Variants in ATP2B2 observed in about 807,000 individuals in gnomAD.
ATP2B2 encodes the protein ATPase plasma membrane Ca2+ transporting 2.
In ATP2B2, 15 loss-of-function variants were observed where a neutral mutation model predicts 120.0. The ratio of observed to expected loss-of-function variants is 0.12; its 90% CI spans 0.08 to 0.19. ATP2B2 has a LOEUF of 0.19. Ranked by LOEUF, ATP2B2 falls within the 10% of genes least tolerant of loss-of-function variation. The pLI, the probability that ATP2B2 is intolerant of heterozygous loss-of-function variation, is 1.00. For missense variants in ATP2B2, 1,045 were observed against 1,719.8 expected, an observed-to-expected ratio of 0.61 and a Z score of 6.94; for synonymous variants, 694 against 700.3, an observed-to-expected ratio of 0.99 and a Z score of 0.14.
chr3:10,528,807 G>A (rs768772030), intron 3 of ATP2B2, among the ~76,000 whole-genome samples: 16 of 152,192 alleles, frequency 1.1e-4, no homozygotes, highest in African/African-American at 1.2e-4. Flanking sequence ...TTAAAAATAC[G>A]GTTTAAGCAG....
intron 3 of ATP2B2, among the ~76,000 whole-genome samples, chr3:10,512,461 T>TGCGC (rs146088719): frequency 0.044 from 4,524 of 102,712 alleles, 262 homozygotes; most frequent in African/African-American, 0.12. Context: ...CTAAAGTGTG[T>TGCGC]GCGCACACAC....
intron 3 of ATP2B2, among the ~76,000 whole-genome samples, chr3:10,512,155 C>G (rs1468971665): frequency 1.3e-5 from 2 of 152,072 alleles, no homozygotes; most frequent in African/African-American, 2.4e-5. Context: ...GATTGAGGAT[C>G]CAGATATGCA....
chr3:10,597,009 A>G (rs976368658), intron 2 of ATP2B2, among the ~76,000 whole-genome samples: 2 of 150,602 alleles, frequency 1.3e-5, no homozygotes, highest in African/African-American at 5.0e-5. Flanking sequence ...GCACACAGGC[A>G]CACACGCACA....
chr3:10,349,044 C>T (rs2125405652), intron 16 of ATP2B2, among the ~76,000 whole-genome samples: 1 of 152,348 alleles, frequency 6.6e-6, no homozygotes, highest in East Asian at 1.9e-4. Context: ...GGCTGATCTC[C>T]AGTGGAGCCC....
intron 2 of ATP2B2, among the ~76,000 whole-genome samples, chr3:10,563,390 C>G (rs955833021): frequency 1.3e-5 from 2 of 152,230 alleles, no homozygotes; most frequent in Admixed American, 6.5e-5. Context: ...AATCAATAAT[C>G]CAATTAGGCC....
At chr3:10,359,220 G>T (rs2060826263) in intron 13 of ATP2B2, among the ~76,000 whole-genome samples, 1 of 152,190 alleles carries the variant, frequency 6.6e-6, no homozygotes, top group African/African-American at 2.4e-5. Context: ...AGTAGTTCTT[G>T]ACCCTGCCTG....
At chr3:10,619,995 G>A (rs935627278) in intron 1 of ATP2B2, 7 of 152,356 alleles carry the variant, frequency 4.6e-5, no homozygotes, top group African/African-American at 1.7e-4. Flanking sequence ...AGCACGTTAA[G>A]GGGGCTTGTA....
intron 1 of ATP2B2, among the ~76,000 whole-genome samples, chr3:10,643,266 G>A (rs138749716): frequency 1.4e-3 from 207 of 152,306 alleles, no homozygotes; most frequent in Non-Finnish European, 2.5e-3. Context: ...TGCATCTGTG[G>A]ATCCATGGGA....
intron 17 of ATP2B2, among the ~76,000 whole-genome samples, chr3:10,345,821 C>A (rs2125393784): frequency 6.6e-6 from 1 of 152,292 alleles, no homozygotes; most frequent in Non-Finnish European, 1.5e-5. Context: ...TGCAAGTGCC[C>A]CCCTTCACAC....
intron 13 of ATP2B2, 27 bp from the exon 14 acceptor site, chr3:10,358,952 G>C: frequency 6.2e-7 from 1 of 1,608,472 alleles, no homozygotes; most frequent in Non-Finnish European, 8.5e-7. Flanking sequence ...GGGAGATGGG[G>C]AGCCCAGGGA....
intron 2 of ATP2B2, among the ~76,000 whole-genome samples, chr3:10,580,661 C>T (rs932313153): frequency 2.6e-5 from 4 of 152,304 alleles, no homozygotes; most frequent in Admixed American, 6.5e-5. Context: ...CCTGCTCCCA[C>T]GCCTTGTTCT....
intron 1 of ATP2B2, among the ~76,000 whole-genome samples, chr3:10,673,366 T>C (rs555635507): frequency 6.6e-6 from 1 of 150,960 alleles, no homozygotes; most frequent in South Asian, 2.1e-4. Context: ...GGTCCTCACA[T>C]CTAATTTCAA....
intron 1 of ATP2B2, among the ~76,000 whole-genome samples, chr3:10,695,477 C>G (rs1219015407): frequency 6.6e-6 from 1 of 152,180 alleles, no homozygotes; most frequent in Non-Finnish European, 1.5e-5. Context: ...ACTGCCAATT[C>G]TGAGCCTAGG....
At chr3:10,497,088 C>A (rs966802340) in intron 1 of ATP2B2, among the ~76,000 whole-genome samples, 1 of 152,240 alleles carries the variant, frequency 6.6e-6, no homozygotes, top group African/African-American at 2.4e-5. Flanking sequence ...GTGGGCATCC[C>A]AGTTAGGCCC....
chr3:10,585,492 T>TGAAAAAAAAA (rs2068487072), intron 2 of ATP2B2, among the ~76,000 whole-genome samples: 1 of 30,188 alleles, frequency 3.3e-5, no homozygotes, highest in African/African-American at 2.3e-4. Context: ...AGACTCCGTC[T>TGAAAAAAAAA]GAAAAAAAAA....
intron 2 of ATP2B2, among the ~76,000 whole-genome samples, chr3:10,596,330 A>C (rs1175237879): frequency 6.6e-6 from 1 of 152,030 alleles, no homozygotes; most frequent in Non-Finnish European, 1.5e-5. Flanking sequence ...GAGGGCAGGG[A>C]CTCTGTGGGT....
chr3:10,594,269 T>A lies in ATP2B2; in HGVS notation c.-415+25648A>T, dbSNP rs146193502. ...GCTGCTCTAAAGACACATGCACACT[T>A]ACATTTATTGTGGCACTATTCACAA... is the stretch of plus-strand genomic sequence containing the variant. On this transcript the variant is annotated intron_variant, in intron 2 of 21. Coordinates refer to the ATP2B2 transcript ENST00000646379. Among the ~76,000 whole-genome samples the A allele has an allele frequency of 6.4e-3, 969 of 152,250 alleles. 10 individuals are homozygous for A. The highest frequency in any genetic ancestry group is 0.021 in the African/African-American group (886 of 41,530).
chr3:10,325,929 A>G lies in ATP2B2; in HGVS notation c.*2885T>C, dbSNP rs1319349607. 1.3e-5 allele frequency: 2 copies of G among 152,212 alleles called. No homozygotes were observed. The highest frequency in any genetic ancestry group is 2.4e-5 in the African/African-American group (1 of 41,444). 9.4% of individuals were successfully genotyped at this position (152,212 alleles called of 1,614,324 possible). On this transcript the variant is annotated 3_prime_UTR_variant, in exon 23 of 23. Transcript: ENST00000360273. ...ATGATGCAGTCCCAAAGTAGAAAAA[A>G]GTATACATTACAGATATATTTACTA...
intron 1 of ATP2B2, among the ~76,000 whole-genome samples, chr3:10,469,555 G>C (rs1455934509): frequency 1.3e-5 from 2 of 152,236 alleles, no homozygotes; most frequent in East Asian, 3.8e-4. Context: ...CCCCCTGAGG[G>C]GGTCAGGGAA....
Sources: gnomAD v4.1 joint callset for allele counts (sites outside exome capture counted in the v4.1 genomes callset) on GRCh38, gnomAD v4.1.1 for gene constraint, MANE v1.5 for transcripts, NCBI Gene and HGNC (gene_info 2026-07-23, HGNC 2026-07-21) for gene names.